The following ENTREP2 variants were observed in gnomAD, a reference collection of about 807,000 sequenced individuals.
The protein encoded by ENTREP2 is protein ENTREP2.
At chr15:29,246,131 C>T in the ENTREP2 span, among the ~76,000 whole-genome samples, 6 of 152,184 alleles carry the variant, frequency 3.9e-5, no homozygotes, top group African/African-American at 1.4e-4. Flanking sequence ...GTGGCTTACG[C>T]CTGTAAACCC....
chr15:29,214,722 A>G, the ENTREP2 span, among the ~76,000 whole-genome samples: 6 of 151,896 alleles, frequency 4.0e-5, no homozygotes, highest in Non-Finnish European at 5.9e-5. Context: ...AAAAGGAGCA[A>G]GTTATTTAAT....
chr15:29,567,736 AG>A, the ENTREP2 span, among the ~76,000 whole-genome samples: 1 of 152,218 alleles, frequency 6.6e-6, no homozygotes, highest in African/African-American at 2.4e-5. Flanking sequence ...ACAATAAGTA[AG>A]TGCTCACTAA....
At chr15:29,433,962 A>T in the ENTREP2 span, among the ~76,000 whole-genome samples, 1 of 152,216 alleles carries the variant, frequency 6.6e-6, no homozygotes, top group South Asian at 2.1e-4. Flanking sequence ...TTGTTGCTGT[A>T]AGACTTCTTA....
chr15:29,257,965 A>T, the ENTREP2 span, among the ~76,000 whole-genome samples: 3 of 152,046 alleles, frequency 2.0e-5, no homozygotes, highest in Non-Finnish European at 4.4e-5. Context: ...TAATCCCAGC[A>T]CTTTGGGAGG....
the ENTREP2 span, among the ~76,000 whole-genome samples, chr15:29,232,418 GT>G: frequency 6.6e-6 from 1 of 151,540 alleles, no homozygotes; most frequent in Admixed American, 6.6e-5. Flanking sequence ...TTAAAAAAAA[GT>G]TTTTGAAAGG....
At chr15:29,258,497 G>GTT in the ENTREP2 span, among the ~76,000 whole-genome samples, 559 of 150,740 alleles carry the variant, frequency 3.7e-3, 4 homozygotes, top group African/African-American at 0.012. Context: ...CCTGTTTATT[G>GTT]TTTTTTTTTA....
chr15:29,233,945 G>A, the ENTREP2 span: 2 of 1,553,528 alleles, frequency 1.3e-6, no homozygotes, highest in East Asian at 4.5e-5. Context: ...TACTTCCATT[G>A]CAGTTTCACT....
chr15:29,369,984 C>T, the ENTREP2 span, among the ~76,000 whole-genome samples: 19,910 of 152,128 alleles, frequency 0.13, 1,872 homozygotes, highest in African/African-American at 0.27. Context: ...GCAGGAGATG[C>T]GATTGTCCAA....
the ENTREP2 span, among the ~76,000 whole-genome samples, chr15:29,588,014 A>C: frequency 1.3e-5 from 2 of 152,340 alleles, no homozygotes; most frequent in African/African-American, 4.8e-5. Context: ...ATATTGAATT[A>C]AAATGTCATC....
chr15:29,159,260 G>A, the ENTREP2 span, among the ~76,000 whole-genome samples: 2 of 152,052 alleles, frequency 1.3e-5, no homozygotes, highest in East Asian at 1.9e-4. Flanking sequence ...CTCTTAAGGC[G>A]GCGTGTCTGA....
At chr15:29,118,305 C>T in the ENTREP2 span, 1 of 152,426 alleles carries the variant, frequency 6.6e-6, no homozygotes, top group Non-Finnish European at 1.5e-5. Flanking sequence ...AACCTGAAGT[C>T]GTGATGAAAA....
chr15:29,590,063 A>C, the ENTREP2 span, among the ~76,000 whole-genome samples: 1 of 152,162 alleles, frequency 6.6e-6, no homozygotes, highest in East Asian at 1.9e-4. Flanking sequence ...TCCAACACAA[A>C]AAATGATCAG....
chr15:29,217,262 G>C, the ENTREP2 span, among the ~76,000 whole-genome samples: 1 of 152,156 alleles, frequency 6.6e-6, no homozygotes, highest in Non-Finnish European at 1.5e-5. Context: ...AGTCCTTGAG[G>C]AAGGGGCTGC....
chr15:29,455,261 A>G, the ENTREP2 span, among the ~76,000 whole-genome samples: 42 of 152,266 alleles, frequency 2.8e-4, no homozygotes, highest in African/African-American at 9.4e-4. Flanking sequence ...GGCAAGCCAT[A>G]CTAACCATGT....
chr15:29,123,771 G>T, the ENTREP2 span: 2 of 1,078,340 alleles, frequency 1.9e-6, no homozygotes, highest in Non-Finnish European at 2.6e-6. Flanking sequence ...TGTTCCTGGG[G>T]CTGGCGCTCT....
the ENTREP2 span, among the ~76,000 whole-genome samples, chr15:29,583,623 A>C: frequency 6.6e-6 from 1 of 152,196 alleles, no homozygotes; most frequent in Non-Finnish European, 1.5e-5. Flanking sequence ...CACATCCTAC[A>C]CATGTACCCT....
At chr15:29,119,566 A>T in the ENTREP2 span, among the ~76,000 whole-genome samples, 62 of 33,298 alleles carry the variant, frequency 1.9e-3, 16 homozygotes, top group South Asian at 7.7e-3. Flanking sequence ...AACCTGCACA[A>T]TGTGCACATG....
the ENTREP2 span, among the ~76,000 whole-genome samples, chr15:29,160,570 G>A: frequency 6.6e-6 from 1 of 151,896 alleles, no homozygotes; most frequent in African/African-American, 2.4e-5. Flanking sequence ...TTAGCCAGGC[G>A]TGGTGGCAGG....
At chr15:29,158,072 G>A in the ENTREP2 span, among the ~76,000 whole-genome samples, 1 of 152,138 alleles carries the variant, frequency 6.6e-6, no homozygotes, top group South Asian at 2.1e-4. Flanking sequence ...CCTTTACTTT[G>A]TCCTCAATCT....
Sources: gnomAD v4.1 joint callset for allele counts (sites outside exome capture counted in the v4.1 genomes callset) on GRCh38, gnomAD v4.1.1 for gene constraint, MANE v1.5 for transcripts, NCBI Gene and HGNC (gene_info 2026-07-23, HGNC 2026-07-21) for gene names.